CFAP92: variants seen among roughly 807,000 people sequenced by gnomAD.
The protein encoded by CFAP92 is cilia and flagella associated protein 92 (putative).
CFAP92 carries 86 observed loss-of-function variants against 106.3 expected under a neutral mutation model. That is an observed-to-expected ratio of 0.81 (90% CI 0.68 to 0.97). The LOEUF is 0.97. CFAP92 is among the 50% of genes least tolerant of loss of function. The pLI is 0.00. For synonymous variants in CFAP92, 477 were observed against 506.4 expected (o/e 0.94, Z 0.78); for missense variants, 1,204 against 1,283.8 (o/e 0.94, Z 0.95).
At chr3:128,943,930 T>TTTG (rs1553747310) in intron 10 of CFAP92, among the ~76,000 whole-genome samples, 1 of 117,998 alleles carries the variant, frequency 8.5e-6, no homozygotes, top group African/African-American at 3.4e-5. Flanking sequence ...GTTTTTTTTT[T>TTTG]TTTTTTTTTT....
chr3:129,002,063 C>T (rs746289975), intron 1 of CFAP92: 8 of 1,538,396 alleles, frequency 5.2e-6, no homozygotes, highest in Middle Eastern at 1.7e-4. Context: ...TCCGCCAGTT[C>T]CACGCGCGCC....
At chr3:129,019,291 C>A in the CFAP92 span, among the ~76,000 whole-genome samples, 4 of 152,176 alleles carry the variant, frequency 2.6e-5, no homozygotes, top group Non-Finnish European at 2.9e-5. Context: ...CTGGAGTCTA[C>A]CCTTTTGGGT....
At chr3:128,924,948 T>G (rs893766669) in intron 12 of CFAP92, among the ~76,000 whole-genome samples, 1 of 152,210 alleles carries the variant, frequency 6.6e-6, no homozygotes, top group Non-Finnish European at 1.5e-5. Context: ...ACTTGGGACC[T>G]TCACAGCCTC....
chr3:129,019,468 C>T, the CFAP92 span, among the ~76,000 whole-genome samples: 13 of 152,072 alleles, frequency 8.5e-5, no homozygotes, highest in Non-Finnish European at 1.3e-4. Flanking sequence ...GATGTGAGAC[C>T]GCAGCAGGAC....
chr3:129,018,688 G>A, the CFAP92 span, among the ~76,000 whole-genome samples: 1 of 152,220 alleles, frequency 6.6e-6, no homozygotes, highest in African/African-American at 2.4e-5. Context: ...GGCAGGGGCA[G>A]GGATGGACTC....
At chr3:128,937,929 T>C (rs1358771097) in intron 10 of CFAP92, among the ~76,000 whole-genome samples, 1 of 151,870 alleles carries the variant, frequency 6.6e-6, no homozygotes, top group Non-Finnish European at 1.5e-5. Context: ...CTGAGCATGG[T>C]GGTAGGTGCC....
chr3:128,939,127 T>A (rs1939361839), intron 10 of CFAP92, among the ~76,000 whole-genome samples: 1 of 152,160 alleles, frequency 6.6e-6, no homozygotes, highest in African/African-American at 2.4e-5. Context: ...GAACTTTTTT[T>A]GTCTGCTAGA....
chr3:128,953,939 T>C (rs1941117558), intron 9 of CFAP92, among the ~76,000 whole-genome samples: 1 of 88,546 alleles, frequency 1.1e-5, no homozygotes, highest in Non-Finnish European at 1.9e-5. Context: ...TGCAGTGGCG[T>C]GATCTCGGCT....
At chr3:128,924,634 A>G (rs1301698703) in intron 12 of CFAP92, among the ~76,000 whole-genome samples, 1 of 149,798 alleles carries the variant, frequency 6.7e-6, no homozygotes, top group Admixed American at 6.6e-5. Context: ...TTTAGCACAG[A>G]TGGGGTTTCT....
At chr3:129,022,312 G>A in the CFAP92 span, among the ~76,000 whole-genome samples, 10 of 152,208 alleles carry the variant, frequency 6.6e-5, no homozygotes, top group Non-Finnish European at 1.2e-4. Context: ...GAGACGGGGA[G>A]GGAGTTGTGC....
upstream of CFAP92, among the ~76,000 whole-genome samples, chr3:129,007,076 G>A (rs368164587): frequency 1.3e-5 from 2 of 152,278 alleles, no homozygotes; most frequent in Admixed American, 6.5e-5. Flanking sequence ...GTGGCACAGC[G>A]ACTTAGTGGC....
intron 9 of CFAP92, among the ~76,000 whole-genome samples, chr3:128,964,839 T>C (rs572860446): frequency 2.0e-4 from 30 of 152,166 alleles, no homozygotes; most frequent in Non-Finnish European, 3.8e-4. Context: ...TAATCCCGCT[T>C]GAAGCAGCCC....
Position 128,965,652 on chromosome 3 carries a change from G to A in CFAP92, c.1212C>T (p.Asn404=), listed in dbSNP as rs147658946. 1 of 398,728 alleles carries A rather than the reference G, an allele frequency of 2.5e-6. No individual in the cohort carries two copies. The highest frequency in any genetic ancestry group is 4.4e-6 in the Non-Finnish European group (1 of 226,048). 24.7% of individuals were successfully genotyped at this position (398,728 alleles called of 1,614,324 possible). A position where few individuals can be genotyped will look rare whatever the true frequency, so the allele number is the denominator to read the frequency against. The change falls in exon 9 of 16, where the codon AAC becomes AAT. Residue 404 remains asparagine (N), a synonymous_variant. Transcript: ENST00000645291. ...TTAAAGTCAAAAGGCAATCTAAAAT[G>A]TTGGCAGACTTCTCACTGCCACGAC... ...VVSRGSEKSA[N]ILDCLLTLKT...
chr3:128,919,168 G>A (rs1405738528), intron 12 of CFAP92, among the ~76,000 whole-genome samples: 2 of 151,534 alleles, frequency 1.3e-5, no homozygotes, highest in Admixed American at 1.3e-4. Context: ...GGTCTCGAAC[G>A]CCAGACTTCA....
intron 12 of CFAP92, among the ~76,000 whole-genome samples, chr3:128,924,843 T>C (rs191259756): frequency 4.0e-4 from 61 of 152,366 alleles, no homozygotes; most frequent in African/African-American, 1.3e-3. Context: ...GTCACAGCTA[T>C]AGATCATGTG....
At chr3:128,946,261 A>C (rs190715392) in intron 9 of CFAP92, among the ~76,000 whole-genome samples, 1 of 151,932 alleles carries the variant, frequency 6.6e-6, no homozygotes, top group East Asian at 1.9e-4. Context: ...AAGATAGGCC[A>C]TGTGTCCTTT....
At chr3:128,993,599 A>G (rs748017188) in intron 1 of CFAP92, 3 of 433,790 alleles carry the variant, frequency 6.9e-6, no homozygotes, top group Non-Finnish European at 1.3e-5. Flanking sequence ...CCTAACCAGG[A>G]GTCAGTCGCC....
intron 4 of CFAP92, among the ~76,000 whole-genome samples, chr3:128,980,233 G>A (rs1943441658): frequency 6.6e-6 from 1 of 151,746 alleles, no homozygotes; most frequent in African/African-American, 2.4e-5. Context: ...TGGGCATGGT[G>A]GCATGCACCT....
rs1943274688 is a variant in CFAP92 at position 128,978,087 on chromosome 3, C to A, written c.766G>T (p.Gly256Ter). The A allele has an allele frequency of 2.5e-6, 4 of 1,613,922 alleles. No individual in the cohort carries two copies. The highest frequency in any genetic ancestry group is 2.5e-6 in the Non-Finnish European group (3 of 1,179,886). ...REESNQEHPP[G>*]KQEKTEKHPK... is the part of the protein sequence containing the mutation. Reference sequence around the variant, plus strand: ...TGTTTTTCTGTTTTTTCTTGTTTTCCTGGCGGATGTTCCTGGTTCGACTCT... The same window carrying A: ...TGTTTTTCTGTTTTTTCTTGTTTTCATGGCGGATGTTCCTGGTTCGACTCT... Residue 256 changes from glycine to a stop codon, truncating the protein, a stop_gained, in exon 5 of 16, where the codon GGA (glycine) becomes TGA (stop). Transcript: ENST00000645291. LOFTEE classifies it high-confidence loss of function.
Sources: gnomAD v4.1 joint callset for allele counts (sites outside exome capture counted in the v4.1 genomes callset) on GRCh38, gnomAD v4.1.1 for gene constraint, MANE v1.5 for transcripts, NCBI Gene and HGNC (gene_info 2026-07-23, HGNC 2026-07-21) for gene names.